The following PTPRT variants were observed in gnomAD, a reference collection of about 807,000 sequenced individuals.
The protein encoded by PTPRT is receptor-type tyrosine-protein phosphatase T.
PTPRT carries 56 observed loss-of-function variants against 176.8 expected under a neutral mutation model. The observed-to-expected ratio is 0.32, with a 90% CI of 0.26 to 0.40. The LOEUF is 0.40. PTPRT is among the 10% of genes least tolerant of loss of function. The probability of loss-of-function intolerance (pLI) is 1.00; values close to 1 mark genes in which losing one functional copy is unlikely to be tolerated. For synonymous variants in PTPRT, 783 were observed against 739.0 expected (o/e 1.06, Z -0.96); for missense variants, 1,540 against 1,908.2 (o/e 0.81, Z 3.60).
At chr20:42,916,629 A>G (rs369383893) in intron 1 of PTPRT, among the ~76,000 whole-genome samples, 2 of 152,016 alleles carry the variant, frequency 1.3e-5, no homozygotes, top group Non-Finnish European at 2.9e-5. Context: ...AGCACCTGTT[A>G]TTTCCTGACT....
chr20:43,082,591 C>T (rs1170206858), intron 1 of PTPRT, among the ~76,000 whole-genome samples: 3 of 152,098 alleles, frequency 2.0e-5, no homozygotes, highest in Admixed American at 1.3e-4. Context: ...ATGGGTCACT[C>T]CCTCCCCCTG....
intron 7 of PTPRT, among the ~76,000 whole-genome samples, chr20:42,611,087 C>T (rs768969661): frequency 2.1e-4 from 32 of 152,102 alleles, no homozygotes; most frequent in South Asian, 4.1e-4. Flanking sequence ...GGCATGTGGG[C>T]GGTTTCTATT....
intron 9 of PTPRT, among the ~76,000 whole-genome samples, chr20:42,422,757 A>G (rs902485665): frequency 2.8e-4 from 43 of 152,350 alleles, no homozygotes; most frequent in African/African-American, 1.0e-3. Flanking sequence ...GTAGATGTTC[A>G]TTGTAGCACT....
chr20:42,324,511 T>C, intron 11 of PTPRT, among the ~76,000 whole-genome samples: 1 of 152,270 alleles, frequency 6.6e-6, no homozygotes, highest in East Asian at 1.9e-4. Context: ...ATTTATGGTA[T>C]GTAAATTATA....
chr20:42,754,963 C>T (rs1345671976), intron 6 of PTPRT, among the ~76,000 whole-genome samples: 1 of 152,038 alleles, frequency 6.6e-6, no homozygotes, highest in African/African-American at 2.4e-5. Context: ...GCAGACAGCC[C>T]TCCTCTCACA....
intron 13 of PTPRT, among the ~76,000 whole-genome samples, chr20:42,251,888 GT>G (rs1024376167): frequency 5.9e-5 from 9 of 152,152 alleles, no homozygotes; most frequent in African/African-American, 1.7e-4. Flanking sequence ...CCATTTAAGT[GT>G]TATTCAAGGA....
chr20:42,259,741 CG>C (rs2056714433), intron 13 of PTPRT, among the ~76,000 whole-genome samples: 1 of 152,192 alleles, frequency 6.6e-6, no homozygotes, highest in Admixed American at 6.5e-5. Flanking sequence ...AGTCAACTTA[CG>C]GCTCGGGTTT....
At chr20:42,266,652 C>T (rs2146984115) in intron 13 of PTPRT, among the ~76,000 whole-genome samples, 1 of 152,312 alleles carries the variant, frequency 6.6e-6, no homozygotes, top group Middle Eastern at 3.4e-3. Context: ...CCCTCGCACC[C>T]AGCTGTGACA....
At chr20:42,806,419 G>T (rs138980172) in intron 2 of PTPRT, among the ~76,000 whole-genome samples, 1 of 151,438 alleles carries the variant, frequency 6.6e-6, no homozygotes, top group African/African-American at 2.4e-5. Flanking sequence ...AGGAGGCGGA[G>T]GTTGCAGTGA....
chr20:42,762,403 G>A (rs2076927505), intron 5 of PTPRT, among the ~76,000 whole-genome samples: 1 of 151,538 alleles, frequency 6.6e-6, no homozygotes, highest in Admixed American at 6.6e-5. Context: ...GGACTTAAAA[G>A]CTGATGTCCT....
chr20:42,116,576 A>G (rs1265244081), intron 21 of PTPRT, among the ~76,000 whole-genome samples: 1 of 152,222 alleles, frequency 6.6e-6, no homozygotes, highest in African/African-American at 2.4e-5. Context: ...TACATGTATT[A>G]ATTCTAATGA....
Position 42,633,818 on chromosome 20 carries a change from T to TAA in PTPRT, c.1153+44046_1153+44047dup, listed in dbSNP as rs1405505337. ...ATATATATATATATATATATATATA[T>TAA]AATAAAATATTAATATATTATAATA... On this transcript the variant is annotated intron_variant, in intron 7 of 30. Coordinates refer to ENST00000373187, the MANE Select transcript of PTPRT (RefSeq NM_007050.6). Among the ~76,000 whole-genome samples, 270 of 57,550 alleles carry TAA rather than the reference T, an allele frequency of 4.7e-3. 8 individuals are homozygous for TAA. Among genetic ancestry groups the TAA allele is most frequent in the African/African-American group, 0.016 (196 of 12,166 alleles). 37.8% of individuals were successfully genotyped at this position (57,550 alleles called of 152,430 possible).
chr20:42,714,612 A>T (rs2076195743), intron 6 of PTPRT, among the ~76,000 whole-genome samples: 1 of 152,194 alleles, frequency 6.6e-6, no homozygotes, highest in African/African-American at 2.4e-5. Context: ...CAATCAAAAC[A>T]CTACAAAAAT....
At chr20:42,603,781 T>A (rs2073825180) in intron 7 of PTPRT, among the ~76,000 whole-genome samples, 1 of 152,174 alleles carries the variant, frequency 6.6e-6, no homozygotes, top group African/African-American at 2.4e-5. Context: ...ATGACATTTC[T>A]TCTTTATCCC....
intron 1 of PTPRT, among the ~76,000 whole-genome samples, chr20:43,017,311 C>T (rs771443291): frequency 1.9e-4 from 29 of 152,038 alleles, no homozygotes; most frequent in Non-Finnish European, 4.0e-4. Context: ...GTGTTTGGGC[C>T]CTGTGACCTT....
At chr20:42,139,081 T>C (rs1988507516) in intron 18 of PTPRT, among the ~76,000 whole-genome samples, 1 of 152,238 alleles carries the variant, frequency 6.6e-6, no homozygotes, top group African/African-American at 2.4e-5. Context: ...TGGGGCTGTT[T>C]CTTTTTTACA....
At chr20:42,102,566 T>C (rs1986048155) in intron 25 of PTPRT, among the ~76,000 whole-genome samples, 1 of 152,122 alleles carries the variant, frequency 6.6e-6, no homozygotes, top group Non-Finnish European at 1.5e-5. Flanking sequence ...CACAGCCTCA[T>C]AGTACCTGCC....
intron 27 of PTPRT, among the ~76,000 whole-genome samples, chr20:42,094,732 A>T (rs6093567): frequency 0.024 from 3,587 of 152,210 alleles, 136 homozygotes; most frequent in African/African-American, 0.082. Flanking sequence ...TCTACTAAAC[A>T]TACAAAAATT....
At chr20:42,415,779 A>C (rs1401472292) in intron 9 of PTPRT, among the ~76,000 whole-genome samples, 2 of 152,220 alleles carry the variant, frequency 1.3e-5, no homozygotes, top group African/African-American at 2.4e-5. Context: ...AAGTGTGTAC[A>C]TGGGAGTGAT....
Sources: gnomAD v4.1 joint callset for allele counts (sites outside exome capture counted in the v4.1 genomes callset) on GRCh38, gnomAD v4.1.1 for gene constraint, MANE v1.5 for transcripts, NCBI Gene and HGNC (gene_info 2026-07-23, HGNC 2026-07-21) for gene names.